Variants in NR3C2 observed in about 807,000 individuals in gnomAD.
NR3C2 encodes the protein nuclear receptor subfamily 3 group C member 2.
In NR3C2, 15 loss-of-function variants were observed where a neutral mutation model predicts 86.4. The observed-to-expected ratio is 0.17, with a 90% CI of 0.12 to 0.27. NR3C2 has a LOEUF of 0.27. NR3C2 is among the 10% of genes least tolerant of loss of function. The pLI, the probability that NR3C2 is intolerant of heterozygous loss-of-function variation, is 1.00. For missense variants in NR3C2, 960 were observed against 1,195.6 expected, an observed-to-expected ratio of 0.80 and a Z score of 2.91; for synonymous variants, 458 against 450.5, an observed-to-expected ratio of 1.02 and a Z score of -0.21.
In NR3C2 at chr4:148,120,145, G is replaced by T; in HGVS notation, c.2641+13C>A. On this transcript the variant is annotated intron_variant, in intron 7 of 8. Transcript: ENST00000358102. ...GTAATATAGAAACAGTGCCAGAATG[G>T]GCATCAATTTACTTGTGCTTAGTAG... 1 of 1,613,910 alleles carries T rather than the reference G, an allele frequency of 6.2e-7. No homozygotes were observed. The highest frequency in any genetic ancestry group is 2.2e-5 in the East Asian group (1 of 44,880).
At chr4:148,377,353 G>A (rs146334664) in intron 2 of NR3C2, among the ~76,000 whole-genome samples, 1 of 152,262 alleles carries the variant, frequency 6.6e-6, no homozygotes, top group East Asian at 1.9e-4. Context: ...TAATGATGGT[G>A]TTTCCTATGG....
At chr4:148,190,604 A>C (rs951064378) in intron 4 of NR3C2, among the ~76,000 whole-genome samples, 4 of 152,162 alleles carry the variant, frequency 2.6e-5, no homozygotes, top group African/African-American at 9.7e-5. Flanking sequence ...TTCTGTCTTG[A>C]TGACCTGTCT....
intron 8 of NR3C2, among the ~76,000 whole-genome samples, chr4:148,103,526 A>G (rs539526374): frequency 6.6e-6 from 1 of 152,244 alleles, no homozygotes; most frequent in South Asian, 2.1e-4. Context: ...GGTAACTGAC[A>G]GAGATGGCTC....
chr4:148,305,084 A>C (rs1579130371), intron 2 of NR3C2, among the ~76,000 whole-genome samples: 1 of 152,184 alleles, frequency 6.6e-6, no homozygotes, highest in African/African-American at 2.4e-5. Context: ...TGATAAAATA[A>C]AAACTTAATC....
intron 6 of NR3C2, among the ~76,000 whole-genome samples, chr4:148,134,724 C>A (rs910819523): frequency 6.8e-6 from 1 of 147,270 alleles, no homozygotes; most frequent in African/African-American, 2.5e-5. Context: ...TCTCGGCTCA[C>A]TGCAACCTGT....
At chr4:148,328,921 T>C (rs1301490824) in intron 2 of NR3C2, among the ~76,000 whole-genome samples, 4 of 152,352 alleles carry the variant, frequency 2.6e-5, no homozygotes, top group South Asian at 2.1e-4. Flanking sequence ...TCTCCAAATA[T>C]ACTTCTGCTA....
chr4:148,406,596 G>C lies in NR3C2; in HGVS notation c.1757+28508C>G, dbSNP rs539427603. Among the ~76,000 whole-genome samples, 137 of 152,224 alleles carry C rather than the reference G, an allele frequency of 9.0e-4. 1 individual carries two copies. Among genetic ancestry groups the C allele is most frequent in the African/African-American group, 3.2e-3 (131 of 41,536 alleles). On this transcript the variant is annotated intron_variant, in intron 2 of 8. Transcript: ENST00000358102. ...GAGAGGAGGTAAGAGATGAGACAAA[G>C]AGCTCCTCAGAGCCAGGCCAGGGTC...
In NR3C2 at chr4:148,435,916, G is replaced by A; in HGVS notation, c.945C>T (p.Asn315=). 1 of 1,614,174 alleles carries A rather than the reference G, an allele frequency of 6.2e-7. No individual in the cohort carries two copies. Among genetic ancestry groups the A allele is most frequent in the South Asian group, 1.1e-5 (1 of 91,080 alleles). Residue 315 remains asparagine (N), a synonymous_variant, in exon 2 of 9, where the codon AAC becomes AAT. Coordinates refer to ENST00000358102, the MANE Select transcript of NR3C2 (RefSeq NM_000901.5). The part of the protein sequence containing the change: ...NSRCSVSSPS[N]TNNRSTLSSP... ...TGGAAAGCGTGGATCTGTTATTAGTGTTCGAAGGGCTGGAAACAGAGCACC... is the reference window on the plus strand; with the variant it reads ...TGGAAAGCGTGGATCTGTTATTAGTATTCGAAGGGCTGGAAACAGAGCACC...
chr4:148,326,181 G>A (rs1268549439), intron 2 of NR3C2, among the ~76,000 whole-genome samples: 18 of 150,270 alleles, frequency 1.2e-4, no homozygotes, highest in Non-Finnish European at 2.5e-4. Flanking sequence ...ACAAGGTGAG[G>A]AGATCGAGAC....
At position 148,081,279 on chromosome 4, in the gene NR3C2, G is replaced by A. The variant is rs1578859120; in HGVS notation, c.*65C>T. On this transcript the variant is annotated 3_prime_UTR_variant, in exon 9 of 9. Coordinates refer to ENST00000358102, the MANE Select transcript of NR3C2 (RefSeq NM_000901.5). ...TCACATGTTAAAAACAGGTTTTCTTGGGTCCTTCTGGGTGTGGAACAACAC... is the reference window on the plus strand; with the variant it reads ...TCACATGTTAAAAACAGGTTTTCTTAGGTCCTTCTGGGTGTGGAACAACAC... 4 of 1,600,542 alleles carry A rather than the reference G, an allele frequency of 2.5e-6. No homozygotes were observed. In the East Asian group the frequency reaches 8.9e-5, roughly 36 times the overall value.
chr4:148,431,514 A>C (rs563797465), intron 2 of NR3C2, among the ~76,000 whole-genome samples: 29 of 152,232 alleles, frequency 1.9e-4, no homozygotes, highest in African/African-American at 6.7e-4. Context: ...GTTCTAATCC[A>C]CCTGACACAA....
chr4:148,364,638 AT>A (rs1461151397), intron 2 of NR3C2, among the ~76,000 whole-genome samples: 1 of 152,114 alleles, frequency 6.6e-6, no homozygotes, highest in Non-Finnish European at 1.5e-5. Context: ...TAATACTAAA[AT>A]TTTTCAAAGC....
chr4:148,414,727 T>G (rs1748910373), intron 2 of NR3C2, among the ~76,000 whole-genome samples: 1 of 152,220 alleles, frequency 6.6e-6, no homozygotes, highest in African/African-American at 2.4e-5. Context: ...ACGTGAGAGC[T>G]TCTGAAAGGA....
intron 2 of NR3C2, among the ~76,000 whole-genome samples, chr4:148,274,533 C>G (rs1286197410): frequency 1.3e-5 from 2 of 151,922 alleles, no homozygotes; most frequent in Non-Finnish European, 2.9e-5. Context: ...GGCAGCTCCC[C>G]CCTCGCTCTT....
At chr4:148,304,430 T>C (rs2149927007) in intron 2 of NR3C2, among the ~76,000 whole-genome samples, 3 of 151,612 alleles carry the variant, frequency 2.0e-5, no homozygotes, top group Middle Eastern at 3.4e-3. Flanking sequence ...CTTGTTTCAT[T>C]TTGATATGTG....
intron 1 of NR3C2, 48 bp from the exon 2 acceptor site, chr4:148,436,910 T>G: frequency 7.0e-7 from 1 of 1,429,688 alleles, no homozygotes. Flanking sequence ...TATAGCAATA[T>G]TACTCTAAAA....
intron 1 of NR3C2, among the ~76,000 whole-genome samples, chr4:148,440,288 A>G (rs941964936): frequency 1.3e-5 from 2 of 152,242 alleles, no homozygotes; most frequent in African/African-American, 4.8e-5. Context: ...GGGTCCAGTT[A>G]GGAATTTATT....
At chr4:148,215,001 G>A (rs1338340268) in intron 3 of NR3C2, among the ~76,000 whole-genome samples, 2 of 152,194 alleles carry the variant, frequency 1.3e-5, no homozygotes, top group Admixed American at 6.5e-5. Flanking sequence ...ACAAGGGGAT[G>A]GGGGCCTGGG....
chr4:148,163,963 T>A (rs907411586), intron 4 of NR3C2, among the ~76,000 whole-genome samples: 3 of 152,188 alleles, frequency 2.0e-5, no homozygotes, highest in African/African-American at 7.2e-5. Context: ...CAACATCTAA[T>A]GACATCTAAT....
Sources: allele counts gnomAD v4.1 joint callset (sites outside exome capture counted in the v4.1 genomes callset), GRCh38; gene constraint gnomAD v4.1.1; transcripts MANE v1.5; gene names NCBI Gene and HGNC (gene_info 2026-07-23, HGNC 2026-07-21).